RBFOX2: variants seen among roughly 807,000 people sequenced by gnomAD.
RBFOX2 encodes the protein RNA binding fox-1 homolog 2.
Under a neutral mutation model 49.1 loss-of-function variants are expected in RBFOX2, and 10 were observed. The ratio of observed to expected loss-of-function variants is 0.20; its 90% CI spans 0.13 to 0.35. The LOEUF is 0.35. Ranked by LOEUF, RBFOX2 falls within the 10% of genes least tolerant of loss-of-function variation. The pLI, the probability that RBFOX2 is intolerant of heterozygous loss-of-function variation, is 1.00. For synonymous variants in RBFOX2, 183 were observed against 187.4 expected, an observed-to-expected ratio of 0.98 and a Z score of 0.19; for missense variants, 323 against 486.9, an observed-to-expected ratio of 0.66 and a Z score of 3.17.
chr22:35,879,811 T>C (rs934422334), intron 1 of RBFOX2, among the ~76,000 whole-genome samples: 5 of 152,148 alleles, frequency 3.3e-5, no homozygotes, highest in South Asian at 2.1e-4. Flanking sequence ...TAGCAGACTA[T>C]TACAAAAACC....
At chr22:35,744,621 C>G (rs1931697332) in intron 11 of RBFOX2, among the ~76,000 whole-genome samples, 1 of 152,206 alleles carries the variant, frequency 6.6e-6, no homozygotes, top group Non-Finnish European at 1.5e-5. Flanking sequence ...TGGTGGAAAA[C>G]AGATCACCAG....
chr22:35,958,905 T>C (rs1023651704), intron 1 of RBFOX2, among the ~76,000 whole-genome samples: 5 of 152,138 alleles, frequency 3.3e-5, no homozygotes, highest in Non-Finnish European at 7.4e-5. Flanking sequence ...CTAGCCCTCT[T>C]AGATAATAGT....
chr22:35,824,947 C>A (rs899535181), intron 1 of RBFOX2, among the ~76,000 whole-genome samples: 1 of 152,226 alleles, frequency 6.6e-6, no homozygotes, highest in African/African-American at 2.4e-5. Context: ...AGGCCTGGCA[C>A]GGTGGCTCCC....
intron 1 of RBFOX2, among the ~76,000 whole-genome samples, chr22:35,907,093 A>C (rs1439767922): frequency 2.0e-5 from 3 of 152,300 alleles, no homozygotes; most frequent in East Asian, 1.9e-4. Flanking sequence ...ATCATGTGGG[A>C]GATAAGGCTG....
At chr22:35,761,328 GA>G in intron 7 of RBFOX2, 34 bp from the exon 9 acceptor site, 6 of 1,613,202 alleles carry the variant, frequency 3.7e-6, no homozygotes, top group Non-Finnish European at 5.1e-6. Context: ...AAAAATGCAA[GA>G]AGATTAAAAA....
At chr22:35,781,542 C>G in intron 3 of RBFOX2, 58 bp downstream of exon 4, 2 of 1,572,880 alleles carry the variant, frequency 1.3e-6, no homozygotes, top group Non-Finnish European at 1.7e-6. Context: ...AATAACACAT[C>G]TGGGGGATTA....
At chr22:35,857,720 AAAAGT>A (rs1421997209) in intron 1 of RBFOX2, among the ~76,000 whole-genome samples, 2 of 152,220 alleles carry the variant, frequency 1.3e-5, no homozygotes, top group African/African-American at 4.8e-5. Context: ...CCAAAAAAAG[AAAAGT>A]AGAGACAAAA....
chr22:35,980,775 C>T (rs563279807), intron 1 of RBFOX2, among the ~76,000 whole-genome samples: 12 of 152,260 alleles, frequency 7.9e-5, no homozygotes, highest in South Asian at 2.1e-4. Flanking sequence ...AGAGAACTTA[C>T]AGTTTAGCAG....
At chr22:35,869,505 A>AAAAAAT (rs2044104515) in intron 1 of RBFOX2, among the ~76,000 whole-genome samples, 1 of 142,564 alleles carries the variant, frequency 7.0e-6, no homozygotes. Context: ...AAAAAAAAAA[A>AAAAAAT]TGTAGACAGG....
At chr22:35,847,359 T>G (rs1026482712) in intron 1 of RBFOX2, among the ~76,000 whole-genome samples, 1 of 152,172 alleles carries the variant, frequency 6.6e-6, no homozygotes, top group African/African-American at 2.4e-5. Flanking sequence ...ATAACTTAAT[T>G]AAAAATAGAT....
intron 1 of RBFOX2, among the ~76,000 whole-genome samples, chr22:35,891,395 A>T (rs2047224536): frequency 6.6e-6 from 1 of 151,816 alleles, no homozygotes; most frequent in African/African-American, 2.4e-5. Flanking sequence ...GGCCTTCCAA[A>T]GTGCTAGGAT....
chr22:35,973,381 G>A (rs903550493), intron 1 of RBFOX2, among the ~76,000 whole-genome samples: 2 of 152,130 alleles, frequency 1.3e-5, no homozygotes, highest in Non-Finnish European at 2.9e-5. Flanking sequence ...ATCCATAGAG[G>A]GGGGACAGAC....
intron 1 of RBFOX2, among the ~76,000 whole-genome samples, chr22:36,023,541 AC>A (rs955633396): frequency 2.2e-4 from 33 of 152,354 alleles, no homozygotes; most frequent in African/African-American, 7.9e-4. Flanking sequence ...AGAAAAGCTG[AC>A]CAAAAGAATT....
intron 9 of RBFOX2, 74 bp from the exon 11 acceptor site, chr22:35,756,218 G>T: frequency 7.2e-7 from 1 of 1,392,868 alleles, no homozygotes; most frequent in South Asian, 1.5e-5. Context: ...ATTGAGGACG[G>T]CAGCATGCAC....
At chr22:35,808,938 G>A (rs988654967) in intron 2 of RBFOX2, among the ~76,000 whole-genome samples, 4 of 152,002 alleles carry the variant, frequency 2.6e-5, no homozygotes, top group African/African-American at 7.3e-5. Context: ...GTAGTAAGAG[G>A]TGAAGTCAAA....
At chr22:35,996,606 G>GT (rs1226848519) in intron 1 of RBFOX2, 4 of 138,068 alleles carry the variant, frequency 2.9e-5, no homozygotes, top group African/African-American at 1.1e-4. Flanking sequence ...GCAAGACTCT[G>GT]TCTCAAAAAA....
chr22:35,854,187 G>C (rs2042255608), intron 1 of RBFOX2, among the ~76,000 whole-genome samples: 2 of 151,968 alleles, frequency 1.3e-5, no homozygotes, highest in African/African-American at 4.8e-5. Context: ...ACTCCAGCCT[G>C]GGCAACGAAA....
At chr22:35,922,210 G>A (rs1381070152) in intron 1 of RBFOX2, among the ~76,000 whole-genome samples, 1 of 152,208 alleles carries the variant, frequency 6.6e-6, no homozygotes, top group Non-Finnish European at 1.5e-5. Flanking sequence ...TTTTAGAAAT[G>A]GCTAGTATTC....
chr22:35,939,200 T>C, upstream of RBFOX2: 1 of 551,182 alleles, frequency 1.8e-6, no homozygotes, highest in Non-Finnish European at 3.5e-6. Context: ...TCAGAGTTAA[T>C]TCCTAACTTC....
Sources: allele counts gnomAD v4.1 joint callset (sites outside exome capture counted in the v4.1 genomes callset), GRCh38; gene constraint gnomAD v4.1.1; transcripts MANE v1.5; gene names NCBI Gene and HGNC (gene_info 2026-07-23, HGNC 2026-07-21).